The following PSMB2 variants were observed in gnomAD, a reference collection of about 807,000 sequenced individuals.
PSMB2 encodes proteasome 20S subunit beta 2, also known as proteasome subunit beta type-2.
Under a neutral mutation model 25.7 loss-of-function variants are expected in PSMB2, and 13 were observed. The observed-to-expected ratio is 0.51, with a 90% CI of 0.33 to 0.80. PSMB2 has a LOEUF of 0.80. PSMB2 is among the 30% of genes least tolerant of loss of function. PSMB2 has a pLI of 0.02. For synonymous variants in PSMB2, 87 were observed against 96.2 expected, an observed-to-expected ratio of 0.90 and a Z score of 0.56; for missense variants, 202 against 259.0, an observed-to-expected ratio of 0.78 and a Z score of 1.51.
intron 3 of PSMB2, among the ~76,000 whole-genome samples, chr1:35,628,179 C>T (rs578677): frequency 1 from 151,957 of 152,240 alleles, 75,841 homozygotes; most frequent in Middle Eastern, 1. Context: ...ATTGGACCTA[C>T]TGGAAAAGCT....
chr1:35,632,073 A>G (rs1327841190), intron 2 of PSMB2, among the ~76,000 whole-genome samples: 1 of 152,212 alleles, frequency 6.6e-6, no homozygotes, highest in East Asian at 1.9e-4. Context: ...GCTAGAAGTT[A>G]GGACTACCTC....
Position 35,601,065 on chromosome 1 carries a change from T to G in PSMB2, c.*2202A>C. The G allele has an allele frequency of 1.0e-6, 1 of 956,680 alleles. No individual in the cohort carries two copies. Among genetic ancestry groups the G allele is most frequent in the Non-Finnish European group, 1.2e-6 (1 of 817,492 alleles). 59.3% of individuals were successfully genotyped at this position (956,680 alleles called of 1,614,324 possible). A position where few individuals can be genotyped will look rare whatever the true frequency, so the allele number is the denominator to read the frequency against. On this transcript the variant is annotated 3_prime_UTR_variant, in exon 6 of 6. Transcript: ENST00000373237. Reference sequence around the variant, plus strand: ...CAGAATCATCTGTGGCGCTTTTTTTTTTTTTTTTTTTTTTTTTTTGAGACA... The same window carrying G: ...CAGAATCATCTGTGGCGCTTTTTTTGTTTTTTTTTTTTTTTTTTTGAGACA...
intron 3 of PSMB2, among the ~76,000 whole-genome samples, chr1:35,611,715 T>C (rs1014867368): frequency 2.0e-5 from 3 of 152,052 alleles, no homozygotes; most frequent in Admixed American, 1.3e-4. Context: ...TCCCAGCTAC[T>C]TGGGAGGCTG....
At chr1:35,628,315 C>T (rs925783778) in intron 3 of PSMB2, among the ~76,000 whole-genome samples, 8 of 151,870 alleles carry the variant, frequency 5.3e-5, no homozygotes, top group African/African-American at 1.9e-4. Flanking sequence ...ATGAAGCACA[C>T]TGCCATTCTT....
At chr1:35,628,887 G>A (rs1432631679) in intron 3 of PSMB2, among the ~76,000 whole-genome samples, 1 of 151,800 alleles carries the variant, frequency 6.6e-6, no homozygotes, top group Non-Finnish European at 1.5e-5. Flanking sequence ...TTTAAAAAAA[G>A]TAACTTGTTA....
intron 3 of PSMB2, among the ~76,000 whole-genome samples, chr1:35,626,725 C>T (rs1650872320): frequency 6.6e-6 from 1 of 152,148 alleles, no homozygotes; most frequent in South Asian, 2.1e-4. Flanking sequence ...GGGGATAACA[C>T]ACATCTTATG....
chr1:35,638,852 T>C (rs1651316173), intron 1 of PSMB2, among the ~76,000 whole-genome samples: 1 of 152,228 alleles, frequency 6.6e-6, no homozygotes, highest in South Asian at 2.1e-4. Flanking sequence ...TGATTGGAAG[T>C]TGTATTATCA....
At position 35,631,326 on chromosome 1, in the gene PSMB2, G is replaced by A. The variant is rs756503983; in HGVS notation, c.233C>T (p.Thr78Met). The A allele has an allele frequency of 8.7e-6, 14 of 1,614,124 alleles. No individual in the cohort carries two copies. The highest frequency in any genetic ancestry group is 1.7e-5 in the Admixed American group (1 of 60,014). ...KMRNGYELSP[T>M]AAANFTRRNL... ...TCGGCGTGTGAAGTTAGCTGCTGCC[G>A]TGGGAGACAATTCATATCCTGGTAG... The change falls in exon 3 of 6, where the codon ACG (threonine) becomes ATG (methionine). Residue 78 changes from threonine to methionine, a missense_variant. Physicochemically the swap from Thr to Met is moderately conservative, Grantham distance 81. Transcript: ENST00000373237.
chr1:35,626,301 T>C (rs1483594273), intron 3 of PSMB2, among the ~76,000 whole-genome samples: 3 of 152,232 alleles, frequency 2.0e-5, no homozygotes, highest in Non-Finnish European at 4.4e-5. Flanking sequence ...TCTGATGATT[T>C]CATGCCTTTA....
chr1:35,616,523 C>T (rs1271363665), intron 3 of PSMB2, among the ~76,000 whole-genome samples: 4 of 152,190 alleles, frequency 2.6e-5, no homozygotes, highest in Non-Finnish European at 5.9e-5. Context: ...ACCTTAGCTT[C>T]CCAAGTAGCT....
chr1:35,639,479 C>T (rs1000118045), intron 1 of PSMB2, among the ~76,000 whole-genome samples: 1 of 152,110 alleles, frequency 6.6e-6, no homozygotes, highest in East Asian at 1.9e-4. Context: ...AATTTAAAAA[C>T]CAACCTACTA....
At chr1:35,639,281 A>G (rs1325959761) in intron 1 of PSMB2, among the ~76,000 whole-genome samples, 1 of 152,122 alleles carries the variant, frequency 6.6e-6, no homozygotes, top group Non-Finnish European at 1.5e-5. Context: ...ATAAATAAAA[A>G]AGTCATCATA....
intron 3 of PSMB2, among the ~76,000 whole-genome samples, chr1:35,628,607 ATATATATATATATATATATATATATT>A (rs1557456392): frequency 0.015 from 350 of 23,622 alleles, 24 homozygotes; most frequent in African/African-American, 0.039. Context: ...ATATATATAT[ATATATATATATATATATATATATATT>A]TTTTTTTTTT....
chr1:35,608,891 C>A (rs1040000961), intron 4 of PSMB2, among the ~76,000 whole-genome samples: 7 of 152,160 alleles, frequency 4.6e-5, no homozygotes, highest in African/African-American at 1.7e-4. Context: ...TGCCAAAAAT[C>A]TAGGCAAAGC....
intron 3 of PSMB2, among the ~76,000 whole-genome samples, chr1:35,631,007 A>AG (rs1284302937): frequency 6.6e-6 from 1 of 151,024 alleles, no homozygotes; most frequent in Non-Finnish European, 1.5e-5. Context: ...AATAGTTTTT[A>AG]GGGGGAAAAA....
chr1:35,600,666 G>A lies in PSMB2; in HGVS notation c.*2601C>T. 1.0e-6 allele frequency: 1 copy of A among 985,406 alleles called. No homozygotes were observed. Among genetic ancestry groups the A allele is most frequent in the Non-Finnish European group, 1.2e-6 (1 of 829,932 alleles). 61.0% of individuals were successfully genotyped at this position (985,406 alleles called of 1,614,324 possible). ...ACTGAGTTCGATGTCCCTAAATCTG[G>A]AGGGTGAGCTATCTAGGAATGAGTT... is the stretch of plus-strand genomic sequence containing the variant. On this transcript the variant is annotated 3_prime_UTR_variant, in exon 6 of 6. Coordinates refer to ENST00000373237, the MANE Select transcript of PSMB2 (RefSeq NM_002794.5).
chr1:35,599,548 G>A lies in PSMB2; in HGVS notation c.*3719C>T. On this transcript the variant is annotated 3_prime_UTR_variant, in exon 6 of 6. Coordinates refer to ENST00000373237, the MANE Select transcript of PSMB2 (RefSeq NM_002794.5). ...ATGACGAGGCCATGTAAATTTAGTT[G>A]GAACACAGGCTTTATGAGGTGTAAA... The A allele has an allele frequency of 1.0e-6, 1 of 983,252 alleles. No homozygotes were observed. Among genetic ancestry groups the A allele is most frequent in the Non-Finnish European group, 1.2e-6 (1 of 828,018 alleles). The allele number at this position is 983,252 out of a possible 1,614,324, so 60.9% of individuals were successfully genotyped here.
At chr1:35,605,309 C>T in intron 4 of PSMB2, 27 bp from the exon 5 acceptor site, 1 of 1,604,812 alleles carries the variant, frequency 6.2e-7, no homozygotes, top group Non-Finnish European at 8.5e-7. Context: ...AGACCAAATA[C>T]TTCCGGTGCT....
chr1:35,621,491 A>C, intron 3 of PSMB2, among the ~76,000 whole-genome samples: 1 of 152,182 alleles, frequency 6.6e-6, no homozygotes, highest in East Asian at 1.9e-4. Context: ...GAAGTGTAGA[A>C]TTCTGCTGGA....
Sources: gnomAD v4.1 joint callset for allele counts (sites outside exome capture counted in the v4.1 genomes callset) on GRCh38, gnomAD v4.1.1 for gene constraint, MANE v1.5 for transcripts, NCBI Gene and HGNC (gene_info 2026-07-23, HGNC 2026-07-21) for gene names.